Variants in RAD17 observed in about 807,000 individuals in gnomAD.
RAD17 encodes the protein cell cycle checkpoint protein RAD17.
Under a neutral mutation model 81.5 loss-of-function variants are expected in RAD17, and 31 were observed. That is an observed-to-expected ratio of 0.38 (90% confidence interval 0.29 to 0.51). RAD17 has a LOEUF of 0.51. Among genes scored for constraint, RAD17 ranks in the 20% least tolerant of loss-of-function variants. RAD17 has a pLI of 0.88. For synonymous variants in RAD17, 261 were observed against 266.2 expected, an observed-to-expected ratio of 0.98 and a Z score of 0.19; for missense variants, 681 against 781.2, an observed-to-expected ratio of 0.87 and a Z score of 1.53.
chr5:69,392,693 G>A, intron 13 of RAD17: 1 of 363,964 alleles, frequency 2.7e-6, no homozygotes, highest in South Asian at 2.1e-5. Context: ...TTGAACCTGA[G>A]TGACTATTCC....
chr5:69,397,810 CAAT>C lies in RAD17; in HGVS notation c.1572+1265_1572+1267del, dbSNP rs370614488. The stretch of plus-strand genomic sequence containing the variant: ...TGTATAACATGGTGACTATTAACAA[CAAT>C]GTGTCATGTATTTGAAAATCATGGC... On this transcript the variant is annotated intron_variant, in intron 16 of 18. Coordinates refer to ENST00000354868, the MANE Select transcript of RAD17 (RefSeq NM_133338.3). 2.0e-4 allele frequency among the ~76,000 whole-genome samples: 30 copies of C among 152,064 alleles called. No individual in the cohort carries two copies. In the East Asian group the frequency reaches 4.1e-3, roughly 21 times the overall value.
rs1387815038 is a variant in RAD17 at position 69,396,473 on chromosome 5, A to G, written c.1499A>G (p.Tyr500Cys). The G allele has an allele frequency of 4.3e-6, 7 of 1,613,536 alleles. No homozygotes were observed. The highest frequency in any genetic ancestry group is 1.1e-5 in the South Asian group (1 of 91,046). The change falls in exon 16 of 19, where the codon TAT becomes TGT. Residue 500 changes from tyrosine to cysteine, a missense_variant. Physicochemically the swap from Tyr to Cys is radical, Grantham distance 194. Transcript: ENST00000354868. The part of the protein sequence containing the change: ...GVMHSNKARG[Y>C]AHCQGGGSSF... The stretch of plus-strand genomic sequence containing the variant: ...ATGCATTCCAACAAAGCCCGAGGAT[A>G]TGCTCATTGCCAAGGAGGAGGATCA...
At chr5:69,412,372 A>G (rs1289947301) in intron 18 of RAD17, among the ~76,000 whole-genome samples, 1 of 152,180 alleles carries the variant, frequency 6.6e-6, no homozygotes, top group Non-Finnish European at 1.5e-5. Flanking sequence ...AAATATTAAT[A>G]CTTAATATTT....
chr5:69,372,091 C>A lies in RAD17; in HGVS notation c.-118C>A. On this transcript the variant is annotated 5_prime_UTR_variant, in exon 4 of 19. Coordinates refer to ENST00000354868, the MANE Select transcript of RAD17 (RefSeq NM_133338.3). ...AACTATAAAATGTATAAATAATTTG[C>A]AAATCAGAATTGCTGTCGAAAGTTT... The A allele has an allele frequency of 1.4e-6, 2 of 1,421,380 alleles. No individual in the cohort carries two copies. Among genetic ancestry groups the A allele is most frequent in the South Asian group, 1.5e-5 (1 of 67,786 alleles). 88.0% of individuals were successfully genotyped at this position (1,421,380 alleles called of 1,614,324 possible). A position where few individuals can be genotyped will look rare whatever the true frequency, so the allele number is the denominator to read the frequency against.
intron 17 of RAD17, among the ~76,000 whole-genome samples, chr5:69,404,621 T>C (rs1328940837): frequency 1.3e-5 from 2 of 151,848 alleles, no homozygotes; most frequent in African/African-American, 4.8e-5. Context: ...TACAAAAAAT[T>C]AGCTGGGTGC....
intron 12 of RAD17, 103 bp from the exon 13 acceptor site, chr5:69,391,728 C>A: frequency 1.0e-6 from 1 of 970,130 alleles, no homozygotes; most frequent in South Asian, 3.2e-5. Flanking sequence ...ATTAGGAAAA[C>A]AAATTGTAAT....
At chr5:69,374,257 A>G (rs1470127436) in intron 5 of RAD17, among the ~76,000 whole-genome samples, 170 bp downstream of exon 5, 1 of 152,212 alleles carries the variant, frequency 6.6e-6, no homozygotes, top group Admixed American at 6.5e-5. Context: ...TTTTCTCAAT[A>G]GTTATTCTAA....
intron 18 of RAD17, among the ~76,000 whole-genome samples, chr5:69,412,942 G>A (rs998403034): frequency 3.3e-5 from 5 of 150,984 alleles, no homozygotes; most frequent in African/African-American, 1.2e-4. Context: ...AGCCAAGATC[G>A]TGCTACTGCC....
chr5:69,414,071 A>G lies in RAD17; in HGVS notation c.1792A>G (p.Ile598Val), dbSNP rs1284839181. Residue 598 changes from isoleucine (I) to valine (V), a missense_variant, in exon 19 of 19, where the codon ATA (isoleucine) becomes GTA (valine). Transcript: ENST00000354868. ...EALTDREHGM[I>V]DPDSGDEAQL... ...CCTGACTGACAGGGAACATGGAATG[A>G]TAGACCCTGACAGCGGAGATGAAGC... 1 of 1,614,248 alleles carries G rather than the reference A, an allele frequency of 6.2e-7. No individual in the cohort carries two copies. Among genetic ancestry groups the G allele is most frequent in the African/African-American group, 1.3e-5 (1 of 75,062 alleles).
chr5:69,369,620 G>C (rs1391230122), upstream of RAD17: 8 of 1,572,352 alleles, frequency 5.1e-6, no homozygotes, highest in Admixed American at 1.1e-4. Flanking sequence ...GGCGCCCCTA[G>C]CCTGCCCCGG....
intron 7 of RAD17, among the ~76,000 whole-genome samples, chr5:69,382,691 G>A (rs1277308229): frequency 1.3e-5 from 2 of 152,194 alleles, no homozygotes; most frequent in African/African-American, 4.8e-5. Context: ...AGATAGCTTA[G>A]ATCAGTAAGT....
intron 17 of RAD17, among the ~76,000 whole-genome samples, chr5:69,402,302 C>T (rs1465963849): frequency 2.0e-5 from 3 of 151,806 alleles, no homozygotes; most frequent in East Asian, 4.1e-4. Flanking sequence ...CTGCCCACCT[C>T]GGACTCCCAA....
In RAD17 at chr5:69,389,159, A is replaced by T. The variant is rs1433351831; in HGVS notation, c.1006+14A>T. 1.3e-6 allele frequency: 2 copies of T among 1,491,952 alleles called. No individual in the cohort carries two copies. Among genetic ancestry groups the T allele is most frequent in the South Asian group, 1.2e-5 (1 of 80,736 alleles). The allele number at this position is 1,491,952 out of a possible 1,614,324, so 92.4% of individuals were successfully genotyped here. A position where few individuals can be genotyped will look rare whatever the true frequency, so the allele number is the denominator to read the frequency against. ...CTTCTTCAAAAGGTAACTATGGAAG[A>T]TACAGTCATGTGGCATTATATAGGT... On this transcript the variant is annotated intron_variant, in intron 12 of 18. Transcript: ENST00000354868.
At chr5:69,382,197 G>A in intron 7 of RAD17, 140 bp downstream of exon 7, 2 of 943,332 alleles carry the variant, frequency 2.1e-6, no homozygotes, top group East Asian at 2.7e-5. Context: ...AGGTGCGATG[G>A]CTGTCACATG....
intron 17 of RAD17, among the ~76,000 whole-genome samples, chr5:69,407,657 A>G (rs1454201182): frequency 3.0e-5 from 4 of 131,240 alleles, no homozygotes; most frequent in East Asian, 2.3e-4. Context: ...GCTCACTGCA[A>G]TCTCCACCTC....
intron 15 of RAD17, among the ~76,000 whole-genome samples, chr5:69,394,271 A>G (rs1764738258): frequency 1.3e-5 from 2 of 149,882 alleles, no homozygotes; most frequent in South Asian, 2.1e-4. Flanking sequence ...CATGTTACCC[A>G]TGCTGGTCTC....
chr5:69,380,972 T>C (rs17236254), intron 6 of RAD17, among the ~76,000 whole-genome samples: 29 of 152,008 alleles, frequency 1.9e-4, no homozygotes, highest in African/African-American at 7.0e-4. Context: ...TTTTGCCATG[T>C]TGACTAGGCT....
intron 18 of RAD17, among the ~76,000 whole-genome samples, chr5:69,411,674 G>C (rs1246581194): frequency 6.6e-6 from 1 of 152,144 alleles, no homozygotes; most frequent in African/African-American, 2.4e-5. Context: ...GGATCTTGAA[G>C]CATCGTCCCA....
rs770168124 is a variant in RAD17 at position 69,393,230 on chromosome 5, T to C, written c.1265T>C (p.Val422Ala). 1.2e-6 allele frequency: 2 copies of C among 1,608,160 alleles called. No homozygotes were observed. Among genetic ancestry groups the C allele is most frequent in the African/African-American group, 1.3e-5 (1 of 74,912 alleles). ...LSEYERDTLL[V>A]EPEEVVEMSH... Reference sequence around the variant, plus strand: ...GAATATGAACGGGATACATTACTTGTTGAACCTGAGGTAAGTTCTTTGATG... The same window carrying C: ...GAATATGAACGGGATACATTACTTGCTGAACCTGAGGTAAGTTCTTTGATG... The change falls in exon 14 of 19, where the codon GTT (valine) becomes GCT (alanine). Residue 422 changes from valine to alanine, a missense_variant. Physicochemically the swap from Val to Ala is moderately conservative, Grantham distance 64. Transcript: ENST00000354868.
Sources: allele counts gnomAD v4.1 joint callset (sites outside exome capture counted in the v4.1 genomes callset), GRCh38; gene constraint gnomAD v4.1.1; transcripts MANE v1.5; gene names NCBI Gene and HGNC (gene_info 2026-07-23, HGNC 2026-07-21).